Variants in MYO5A observed in about 807,000 individuals in gnomAD.
The protein encoded by MYO5A is unconventional myosin-Va.
A neutral mutation model predicts 249.7 loss-of-function variants in MYO5A; 98 were observed. The observed-to-expected ratio is 0.39, with a 90% CI of 0.33 to 0.46. The LOEUF is 0.46. Ranked by LOEUF, MYO5A falls within the 20% of genes least tolerant of loss-of-function variation. The pLI is 0.98. For synonymous variants in MYO5A, 778 were observed against 810.6 expected (o/e 0.96, Z 0.68); for missense variants, 1,696 against 2,308.8 (o/e 0.73, Z 5.44).
intron 1 of MYO5A, among the ~76,000 whole-genome samples, chr15:52,470,866 C>T (rs1311927757): frequency 1.3e-5 from 2 of 151,244 alleles, no homozygotes; most frequent in Admixed American, 1.3e-4. Flanking sequence ...CTACTAAGAA[C>T]ACAAAAATTA....
At chr15:52,366,470 T>G (rs1186033459) in intron 23 of MYO5A, among the ~76,000 whole-genome samples, 4 of 151,934 alleles carry the variant, frequency 2.6e-5, no homozygotes, top group African/African-American at 4.8e-5. Context: ...CATATTTATA[T>G]ATATGTGGAT....
intron 40 of MYO5A, among the ~76,000 whole-genome samples, chr15:52,316,233 C>CA (rs5812596): frequency 0.033 from 1,977 of 60,336 alleles, 34 homozygotes; most frequent in Non-Finnish European, 0.035. Flanking sequence ...GACTCCGTCA[C>CA]AAAAAAAAAA....
intron 18 of MYO5A, among the ~76,000 whole-genome samples, chr15:52,377,162 G>A (rs757625412): frequency 8.5e-5 from 13 of 152,132 alleles, no homozygotes; most frequent in South Asian, 2.1e-4. Context: ...AGTGGCTCAC[G>A]TGTGTAATCC....
chr15:52,432,882 C>T (rs879279846), intron 2 of MYO5A, among the ~76,000 whole-genome samples: 36 of 152,110 alleles, frequency 2.4e-4, no homozygotes, highest in Admixed American at 1.1e-3. Context: ...CCATAGCACA[C>T]CAGTTAAATG....
Position 52,319,156 on chromosome 15 carries a change from A to G in MYO5A, c.5138T>C (p.Val1713Ala). 6.2e-7 allele frequency: 1 copy of G among 1,614,142 alleles called. No homozygotes were observed. Among genetic ancestry groups the G allele is most frequent in the Non-Finnish European group, 8.5e-7 (1 of 1,180,012 alleles). The change falls in exon 39 of 42, where the codon GTG (valine) becomes GCG (alanine). Residue 1713 changes from valine (V) to alanine (A), a missense_variant. Val to Ala is a moderately conservative substitution (Grantham distance 64). Transcript: ENST00000399233. ...TATGATGTAGAACATCTGCTTGACCACCTGCTTGATCAGTTCAGGGTCCAT... is the reference window on the plus strand; with the variant it reads ...TATGATGTAGAACATCTGCTTGACCGCCTGCTTGATCAGTTCAGGGTCCAT... Reference protein sequence around the residue: ...HGMDPELIKQVVKQMFYIIGA... With the variant: ...HGMDPELIKQAVKQMFYIIGA...
rs1412858180 is a variant in MYO5A, at chr15:52,311,055, G to A, written c.*2641C>T. The A allele has an allele frequency of 6.6e-6, 1 of 152,460 alleles. No homozygotes were observed. Among genetic ancestry groups the A allele is most frequent in the African/African-American group, 2.4e-5 (1 of 41,450 alleles). The allele number at this position is 152,460 out of a possible 1,614,324, so 9.4% of individuals were successfully genotyped here. A position where few individuals can be genotyped will look rare whatever the true frequency, so the allele number is the denominator to read the frequency against. ...CGCTGAACAGGAGAAACCACCAAGGGCAGCTGTAGGAGCTCTGGCTCCAGC... is the reference window on the plus strand; with the variant it reads ...CGCTGAACAGGAGAAACCACCAAGGACAGCTGTAGGAGCTCTGGCTCCAGC... On this transcript the variant is annotated 3_prime_UTR_variant, in exon 42 of 42. Coordinates refer to ENST00000399233, the MANE Select transcript of MYO5A (RefSeq NM_001382347.1).
rs1665335895 is a variant in MYO5A at position 52,442,965 on chromosome 15, A to G, written c.28-9680T>C. 4.6e-5 allele frequency among the ~76,000 whole-genome samples: 7 copies of G among 152,218 alleles called. 1 individual carries two copies. In the South Asian group the frequency reaches 1.5e-3, roughly 32 times the overall value. On this transcript the variant is annotated intron_variant, in intron 1 of 41. Coordinates refer to ENST00000399233, the MANE Select transcript of MYO5A (RefSeq NM_001382347.1). ...AAAGGGTTTCACCGTGTTAGCCAGGACGGTCTCGATCTCCTGACCTTGTGA... is the reference window on the plus strand; with the variant it reads ...AAAGGGTTTCACCGTGTTAGCCAGGGCGGTCTCGATCTCCTGACCTTGTGA...
intron 14 of MYO5A, among the ~76,000 whole-genome samples, chr15:52,384,923 A>G (rs975472765): frequency 1.3e-5 from 2 of 152,248 alleles, no homozygotes; most frequent in Non-Finnish European, 2.9e-5. Flanking sequence ...GTTACAGAAA[A>G]AAAAGTTTAA....
chr15:52,389,678 C>T (rs991744410), intron 12 of MYO5A, among the ~76,000 whole-genome samples: 2 of 152,086 alleles, frequency 1.3e-5, no homozygotes, highest in African/African-American at 4.8e-5. Flanking sequence ...GCTGGCCGGG[C>T]GTGGTGGCTC....
chr15:52,351,634 C>A (rs1257841668), intron 27 of MYO5A, among the ~76,000 whole-genome samples, 153 bp from the exon 28 acceptor site: 2 of 152,190 alleles, frequency 1.3e-5, no homozygotes, highest in Non-Finnish European at 2.9e-5. Flanking sequence ...AGGAGCCCTG[C>A]TTTGCAAATT....
intron 37 of MYO5A, among the ~76,000 whole-genome samples, chr15:52,321,792 TAAAAAAAAAA>T (rs71875115): frequency 6.5e-5 from 6 of 92,842 alleles, no homozygotes; most frequent in Non-Finnish European, 8.7e-5. Context: ...GGAACTTAAC[TAAAAAAAAAA>T]AAAAAAAAAA....
Position 52,391,221 on chromosome 15 carries a change from C to T in MYO5A, c.1542+709G>A, listed in dbSNP as rs1023616261. On this transcript the variant is annotated intron_variant, in intron 12 of 41. Coordinates refer to ENST00000399233, the MANE Select transcript of MYO5A (RefSeq NM_001382347.1). ...TTTAGTATTATCAAATGAAAATTAT[C>T]GAGTTTAAATTTGCCTACTGGATGG... is the stretch of plus-strand genomic sequence containing the variant. 2.6e-5 allele frequency among the ~76,000 whole-genome samples: 4 copies of T among 152,198 alleles called. No homozygotes were observed. In the South Asian group the frequency reaches 8.3e-4, roughly 32 times the overall value.
chr15:52,516,872 T>C (rs577083877), intron 1 of MYO5A, among the ~76,000 whole-genome samples: 1 of 152,330 alleles, frequency 6.6e-6, no homozygotes, highest in East Asian at 1.9e-4. Flanking sequence ...ATATCATGTA[T>C]AGTAATTTAG....
intron 9 of MYO5A, among the ~76,000 whole-genome samples, chr15:52,403,327 A>T (rs974778724): frequency 6.6e-6 from 1 of 152,218 alleles, no homozygotes; most frequent in African/African-American, 2.4e-5. Context: ...ATATCCAACA[A>T]TCAACCAGTG....
rs186275880 is a variant in MYO5A, at chr15:52,307,889, A to G, written c.*5807T>C. The G allele has an allele frequency of 6.6e-6, 1 of 152,326 alleles. No individual in the cohort carries two copies. Among genetic ancestry groups the G allele is most frequent in the Non-Finnish European group, 1.5e-5 (1 of 68,000 alleles). 9.4% of individuals were successfully genotyped at this position (152,326 alleles called of 1,614,324 possible). ...TTACTGCAGGATCCCACAAAAATAC[A>G]TAACCAGGAATCATAAATTACAACA... On this transcript the variant is annotated 3_prime_UTR_variant, in exon 42 of 42. Transcript: ENST00000399233.
chr15:52,353,483 A>C lies in MYO5A; in HGVS notation c.3621+122T>G. On this transcript the variant is annotated intron_variant, in intron 27 of 41. Transcript: ENST00000399233. ...CAAGAAGTAATGCTGAATAAGGCTG[A>C]AGCTAGGACCTCTGGTGCAATCTCC... 2.1e-5 allele frequency: 17 copies of C among 817,702 alleles called. No individual in the cohort carries two copies. The South Asian group carries it at 2.3e-4, about 11-fold the overall frequency. The allele number at this position is 817,702 out of a possible 1,614,324, so 50.7% of individuals were successfully genotyped here.
chr15:52,478,587 C>T (rs1444080570), intron 1 of MYO5A, among the ~76,000 whole-genome samples: 3 of 152,180 alleles, frequency 2.0e-5, no homozygotes, highest in African/African-American at 7.2e-5. Context: ...AAAGAGTGAA[C>T]CTCTTTCTAA....
At chr15:52,350,653 C>T (rs191390899) in intron 28 of MYO5A, among the ~76,000 whole-genome samples, 13 of 152,264 alleles carry the variant, frequency 8.5e-5, no homozygotes, top group Admixed American at 7.2e-4. Flanking sequence ...CTTCAGCATA[C>T]GGCAGCACTG....
In MYO5A at chr15:52,447,248, G is replaced by T. The variant is rs552983921; in HGVS notation, c.28-13963C>A. Among the ~76,000 whole-genome samples, 2 of 151,898 alleles carry T rather than the reference G, an allele frequency of 1.3e-5. 1 individual carries two copies. Among genetic ancestry groups the T allele is most frequent in the Middle Eastern group, 6.3e-3 (2 of 316 alleles). On this transcript the variant is annotated intron_variant, in intron 1 of 41. Transcript: ENST00000399233. Reference sequence around the variant, plus strand: ...GCTGTCTTCGTGATAGTGAGTTCTCGCAAGATCGTTATCACTCACTCACAC... The same window carrying T: ...GCTGTCTTCGTGATAGTGAGTTCTCTCAAGATCGTTATCACTCACTCACAC...
Sources: allele counts gnomAD v4.1 joint callset (sites outside exome capture counted in the v4.1 genomes callset), GRCh38; gene constraint gnomAD v4.1.1; transcripts MANE v1.5; gene names NCBI Gene and HGNC (gene_info 2026-07-23, HGNC 2026-07-21).